Variants in TOX3 observed in about 807,000 individuals in gnomAD.
TOX3 encodes the protein CAG trinucleotide repeat-containing gene F9 protein.
In TOX3, 22 loss-of-function variants were observed where a neutral mutation model predicts 64.3. The ratio of observed to expected loss-of-function variants is 0.34; its 90% CI spans 0.24 to 0.49. TOX3 has a LOEUF of 0.49. Among genes scored for constraint, TOX3 ranks in the 20% least tolerant of loss-of-function variants. The pLI is 0.99. For missense variants in TOX3, 661 were observed against 714.4 expected (o/e 0.93, Z 0.85); for synonymous variants, 291 against 273.6 (o/e 1.06, Z -0.63).
At chr16:52,499,962 C>T (rs985668025) in intron 1 of TOX3, among the ~76,000 whole-genome samples, 2 of 152,174 alleles carry the variant, frequency 1.3e-5, no homozygotes, top group African/African-American at 2.4e-5. Flanking sequence ...ACACAAGGGT[C>T]GCTGGCTACA....
At chr16:52,489,400 A>G (rs1322713152) in intron 1 of TOX3, among the ~76,000 whole-genome samples, 1 of 152,270 alleles carries the variant, frequency 6.6e-6, no homozygotes, top group East Asian at 1.9e-4. Context: ...CGCTGTGATC[A>G]TTAAGTCTAC....
intron 3 of TOX3, among the ~76,000 whole-genome samples, chr16:52,451,730 G>A (rs970471027): frequency 6.6e-6 from 1 of 152,076 alleles, no homozygotes; most frequent in Non-Finnish European, 1.5e-5. Context: ...ATATATAAAT[G>A]CCACTCAATG....
At chr16:52,537,578 C>A (rs890566798) in intron 1 of TOX3, among the ~76,000 whole-genome samples, 1 of 152,152 alleles carries the variant, frequency 6.6e-6, no homozygotes, top group Non-Finnish European at 1.5e-5. Context: ...CTATCCTACA[C>A]CCACATTCTC....
chr16:52,507,567 A>G (rs1056710944), intron 1 of TOX3, among the ~76,000 whole-genome samples: 1 of 152,260 alleles, frequency 6.6e-6, no homozygotes, highest in Non-Finnish European at 1.5e-5. Context: ...TGAAATCTTT[A>G]CTTCAACATA....
At chr16:52,531,703 C>T (rs747986857) in intron 1 of TOX3, among the ~76,000 whole-genome samples, 1 of 152,018 alleles carries the variant, frequency 6.6e-6, no homozygotes, top group Non-Finnish European at 1.5e-5. Context: ...GGCAAATCTG[C>T]GAACACATTG....
chr16:52,497,783 T>G (rs1961888047), intron 1 of TOX3, among the ~76,000 whole-genome samples: 1 of 151,582 alleles, frequency 6.6e-6, no homozygotes, highest in Admixed American at 6.6e-5. Flanking sequence ...GCCAGTTGTG[T>G]TTTTTTTAAT....
At chr16:52,499,298 C>T (rs930952501) in intron 1 of TOX3, among the ~76,000 whole-genome samples, 1 of 152,170 alleles carries the variant, frequency 6.6e-6, no homozygotes, top group South Asian at 2.1e-4. Context: ...TACTTCGAAA[C>T]GACATGCAAA....
At chr16:52,514,515 A>G (rs1459282876) in intron 1 of TOX3, among the ~76,000 whole-genome samples, 2 of 152,230 alleles carry the variant, frequency 1.3e-5, no homozygotes, top group Non-Finnish European at 2.9e-5. Flanking sequence ...TTTTCTCTGT[A>G]TGGCTGTAAA....
intron 1 of TOX3, among the ~76,000 whole-genome samples, chr16:52,527,645 G>C (rs1962753770): frequency 6.6e-6 from 1 of 152,134 alleles, no homozygotes; most frequent in Non-Finnish European, 1.5e-5. Flanking sequence ...TCCTTCCCTG[G>C]TGACTACCTA....
intron 1 of TOX3, among the ~76,000 whole-genome samples, chr16:52,510,854 T>G (rs1195247170): frequency 6.6e-6 from 1 of 151,722 alleles, no homozygotes; most frequent in Non-Finnish European, 1.5e-5. Flanking sequence ...GGGAATCATT[T>G]CTACCTTCCA....
intron 1 of TOX3, among the ~76,000 whole-genome samples, chr16:52,514,749 G>A (rs1596847688): frequency 6.6e-6 from 1 of 151,898 alleles, no homozygotes; most frequent in African/African-American, 2.4e-5. Flanking sequence ...CGGTGGCTTA[G>A]GCCTGTAATC....
chr16:52,519,525 T>C (rs1188884927), intron 1 of TOX3: 1 of 1,545,996 alleles, frequency 6.5e-7, no homozygotes, highest in Non-Finnish European at 8.7e-7. Flanking sequence ...CTCTACCCTC[T>C]TCTGACTCTT....
upstream of TOX3, among the ~76,000 whole-genome samples, chr16:52,547,206 G>C (rs1183877215): frequency 1.3e-5 from 1 of 78,552 alleles, no homozygotes; most frequent in African/African-American, 4.8e-5. Flanking sequence ...CCCTCCCCGC[G>C]CCGCCGCCGC....
chr16:52,543,891 T>C (rs1406670922), intron 1 of TOX3, among the ~76,000 whole-genome samples: 1 of 152,194 alleles, frequency 6.6e-6, no homozygotes. Context: ...ATATAATTGA[T>C]ACAAAGGACT....
intron 1 of TOX3, among the ~76,000 whole-genome samples, chr16:52,536,419 G>A (rs898134255): frequency 6.6e-6 from 1 of 151,204 alleles, no homozygotes; most frequent in Non-Finnish European, 1.5e-5. Context: ...TAGACAGAGA[G>A]AATATCAAGT....
chr16:52,512,928 C>T (rs764376265), intron 1 of TOX3, among the ~76,000 whole-genome samples: 1 of 152,160 alleles, frequency 6.6e-6, no homozygotes, highest in African/African-American at 2.4e-5. Flanking sequence ...GTGTGAGTAA[C>T]GTAAGCGAAA....
At chr16:52,512,597 A>G (rs1251501006) in intron 1 of TOX3, among the ~76,000 whole-genome samples, 10 of 152,216 alleles carry the variant, frequency 6.6e-5, no homozygotes, top group Non-Finnish European at 1.5e-5. Flanking sequence ...GTGGATGGCA[A>G]TAAATAAGAA....
chr16:52,484,442 A>G (rs572307439), intron 1 of TOX3, among the ~76,000 whole-genome samples: 18 of 152,302 alleles, frequency 1.2e-4, no homozygotes, highest in Admixed American at 1.2e-3. Flanking sequence ...GAAAAAAAGT[A>G]TATATTTATT....
chr16:52,445,168 A>C (rs981040740), intron 5 of TOX3: 1 of 152,210 alleles, frequency 6.6e-6, no homozygotes, highest in Admixed American at 6.5e-5. Flanking sequence ...CTAATGTTGC[A>C]CCTTCCCAAC....
Sources: allele counts gnomAD v4.1 joint callset (sites outside exome capture counted in the v4.1 genomes callset), GRCh38; gene constraint gnomAD v4.1.1; transcripts MANE v1.5; gene names NCBI Gene and HGNC (gene_info 2026-07-23, HGNC 2026-07-21).